Variants in CSGALNACT1 observed in about 807,000 individuals in gnomAD.
CSGALNACT1 encodes chondroitin sulfate N-acetylgalactosaminyltransferase 1.
CSGALNACT1 carries 52 observed loss-of-function variants against 51.0 expected under a neutral mutation model. The observed-to-expected ratio is 1.02, with a 90% CI of 0.82 to 1.29. CSGALNACT1 has a LOEUF of 1.29. CSGALNACT1 is among the 50% of genes most tolerant of loss of function. The probability of loss-of-function intolerance (pLI) is 0.00; values close to 1 mark genes in which losing one functional copy is unlikely to be tolerated. For missense variants in CSGALNACT1, 935 were observed against 679.2 expected (o/e 1.38, Z -4.19); for synonymous variants, 341 against 254.4 (o/e 1.34, Z -3.24).
intron 8 of CSGALNACT1, 108 bp from the exon 8 acceptor site, chr8:19,408,802 G>A: frequency 1.1e-6 from 1 of 930,176 alleles, no homozygotes; most frequent in Non-Finnish European, 1.8e-6. Flanking sequence ...TCCCATCACT[G>A]ATAAACAGCC....
intron 1 of CSGALNACT1, among the ~76,000 whole-genome samples, chr8:19,731,524 G>C (rs1225851779): frequency 6.6e-6 from 1 of 151,868 alleles, no homozygotes; most frequent in Non-Finnish European, 1.5e-5. Context: ...AAATAAATAT[G>C]GCTGTTTACT....
chr8:19,417,442 G>A (rs2057105596), intron 8 of CSGALNACT1, among the ~76,000 whole-genome samples: 1 of 152,156 alleles, frequency 6.6e-6, no homozygotes, highest in Non-Finnish European at 1.5e-5. Context: ...AAAGGCACAG[G>A]ATGGGGCTGG....
chr8:19,592,724 T>G lies in CSGALNACT1; in HGVS notation c.-415-1446A>C, dbSNP rs116144858. On this transcript the variant is annotated intron_variant, in intron 2 of 9. Coordinates refer to ENST00000454498, the Ensembl canonical transcript of CSGALNACT1. The stretch of plus-strand genomic sequence containing the variant: ...AGCCAAGATCGCACCACTGTGCCAC[T>G]GCACCACTGCACTCTGGCCTGGGGG... Among the ~76,000 whole-genome samples, 946 of 152,258 alleles carry G rather than the reference T, an allele frequency of 6.2e-3. 14 individuals carry two copies. The highest frequency in any genetic ancestry group is 0.022 in the African/African-American group (897 of 41,542).
intron 8 of CSGALNACT1, among the ~76,000 whole-genome samples, chr8:19,410,505 C>G (rs2055427396): frequency 6.6e-6 from 1 of 152,158 alleles, no homozygotes. Context: ...AGTATCCAAT[C>G]TTCAAATATT....
chr8:19,657,836 G>A (rs1312233609), intron 1 of CSGALNACT1, among the ~76,000 whole-genome samples: 8 of 152,044 alleles, frequency 5.3e-5, no homozygotes, highest in African/African-American at 1.7e-4. Flanking sequence ...CTTTTCCACT[G>A]GGAAAATAAG....
At chr8:19,592,371 T>C (rs1394930992) in intron 2 of CSGALNACT1, among the ~76,000 whole-genome samples, 5 of 152,246 alleles carry the variant, frequency 3.3e-5, no homozygotes, top group Non-Finnish European at 2.9e-5. Flanking sequence ...TATACACTTA[T>C]TCTCAAATGG....
At chr8:19,561,739 A>G (rs890876847) in intron 3 of CSGALNACT1, among the ~76,000 whole-genome samples, 1 of 152,228 alleles carries the variant, frequency 6.6e-6, no homozygotes, top group Admixed American at 6.5e-5. Context: ...AAGAACAAGC[A>G]CAAAGGGAAT....
chr8:19,422,762 G>T (rs1324304102), intron 6 of CSGALNACT1, among the ~76,000 whole-genome samples: 2 of 152,174 alleles, frequency 1.3e-5, no homozygotes, highest in Non-Finnish European at 2.9e-5. Flanking sequence ...TGCAGCCCCA[G>T]CTCCTGTAAG....
chr8:19,599,527 A>AG (rs1332706990), intron 2 of CSGALNACT1, among the ~76,000 whole-genome samples: 13 of 151,496 alleles, frequency 8.6e-5, no homozygotes, highest in South Asian at 2.1e-4. Flanking sequence ...AAAGAAAGAA[A>AG]AGAAAGAAAA....
intron 3 of CSGALNACT1, among the ~76,000 whole-genome samples, chr8:19,562,099 G>A (rs1386102501): frequency 6.6e-6 from 1 of 152,126 alleles, no homozygotes; most frequent in Non-Finnish European, 1.5e-5. Flanking sequence ...AAGCTGCTGT[G>A]GTCCCACTCT....
At chr8:19,674,944 T>A (rs959911919) in intron 1 of CSGALNACT1, among the ~76,000 whole-genome samples, 10 of 152,128 alleles carry the variant, frequency 6.6e-5, no homozygotes, top group Non-Finnish European at 1.2e-4. Context: ...GCATTGCCCA[T>A]CTTGAAGTCG....
chr8:19,653,012 T>C (rs1370931759), intron 1 of CSGALNACT1, among the ~76,000 whole-genome samples: 1 of 152,144 alleles, frequency 6.6e-6, no homozygotes, highest in Admixed American at 6.5e-5. Context: ...TACTTATAAG[T>C]TTGGGAGGCA....
intron 3 of CSGALNACT1, among the ~76,000 whole-genome samples, chr8:19,564,337 A>G (rs2041459139): frequency 6.6e-6 from 1 of 152,108 alleles, no homozygotes; most frequent in Admixed American, 6.6e-5. Context: ...CAGCCACAAA[A>G]ATGGATGCCT....
chr8:19,629,749 C>T (rs1169340983), intron 1 of CSGALNACT1, among the ~76,000 whole-genome samples: 1 of 152,164 alleles, frequency 6.6e-6, no homozygotes, highest in Non-Finnish European at 1.5e-5. Context: ...TCCAAATCCA[C>T]TCATCTCAAT....
chr8:19,435,925 G>C (rs981569019), intron 6 of CSGALNACT1, among the ~76,000 whole-genome samples: 6 of 152,060 alleles, frequency 3.9e-5, no homozygotes, highest in Non-Finnish European at 1.5e-5. Context: ...TTTCATGAAA[G>C]AATATTTATC....
intron 1 of CSGALNACT1, among the ~76,000 whole-genome samples, chr8:19,615,899 T>C (rs534773477): frequency 6.6e-6 from 1 of 152,360 alleles, no homozygotes; most frequent in South Asian, 2.1e-4. Context: ...AAAAATTTCA[T>C]TTGTATGAAG....
At chr8:19,635,186 G>C (rs1364571731) in intron 1 of CSGALNACT1, among the ~76,000 whole-genome samples, 1 of 152,176 alleles carries the variant, frequency 6.6e-6, no homozygotes, top group African/African-American at 2.4e-5. Flanking sequence ...AGGAGAGGGA[G>C]GGAGAAGACA....
At chr8:19,586,880 A>G (rs1564159458) in intron 3 of CSGALNACT1, among the ~76,000 whole-genome samples, 1 of 152,206 alleles carries the variant, frequency 6.6e-6, no homozygotes, top group African/African-American at 2.4e-5. Flanking sequence ...AATCCATTAC[A>G]TAGTATTTTC....
chr8:19,724,892 T>TTC (rs370737297), intron 1 of CSGALNACT1, among the ~76,000 whole-genome samples: 40 of 152,316 alleles, frequency 2.6e-4, no homozygotes, highest in African/African-American at 9.4e-4. Flanking sequence ...TGGCCCCGCA[T>TTC]TCTCTTCTTT....
Sources: gnomAD v4.1 joint callset for allele counts (sites outside exome capture counted in the v4.1 genomes callset) on GRCh38, gnomAD v4.1.1 for gene constraint, MANE v1.5 for transcripts, NCBI Gene and HGNC (gene_info 2026-07-23, HGNC 2026-07-21) for gene names.